FAM241A: variants seen among roughly 807,000 people sequenced by gnomAD.
FAM241A encodes family with sequence similarity 241 member A, also known as uncharacterized protein FAM241A.
FAM241A carries 7 observed loss-of-function variants against 12.2 expected under a neutral mutation model. The ratio of observed to expected loss-of-function variants is 0.58; its 90% CI spans 0.33 to 1.08. The LOEUF (loss-of-function observed/expected upper bound fraction) is 1.08. FAM241A is among the 50% of genes least tolerant of loss of function. FAM241A has a pLI of 0.04. For missense variants in FAM241A, 161 were observed against 169.7 expected, an observed-to-expected ratio of 0.95 and a Z score of 0.29; for synonymous variants, 74 against 68.2, an observed-to-expected ratio of 1.08 and a Z score of -0.42.
intron 1 of FAM241A, among the ~76,000 whole-genome samples, chr4:112,163,463 G>GA (rs1207775700): frequency 1.3e-5 from 2 of 152,006 alleles, no homozygotes; most frequent in Non-Finnish European, 2.9e-5. Context: ...AAACTTACAA[G>GA]AAAAAAATCA....
intron 1 of FAM241A, among the ~76,000 whole-genome samples, chr4:112,155,785 G>A (rs1271396565): frequency 6.6e-6 from 1 of 152,024 alleles, no homozygotes; most frequent in Non-Finnish European, 1.5e-5. Flanking sequence ...GAGATATAGT[G>A]TATAAAATAC....
At chr4:112,180,459 A>G (rs1202388712) in intron 1 of FAM241A, among the ~76,000 whole-genome samples, 1 of 152,192 alleles carries the variant, frequency 6.6e-6, no homozygotes, top group Non-Finnish European at 1.5e-5. Context: ...GAAGAATTCT[A>G]TATTTCTCTG....
At chr4:112,169,084 A>C (rs1723664760) in intron 1 of FAM241A, among the ~76,000 whole-genome samples, 1 of 152,238 alleles carries the variant, frequency 6.6e-6, no homozygotes, top group Non-Finnish European at 1.5e-5. Flanking sequence ...TGGGCTAGGT[A>C]CAAACTTAAA....
chr4:112,146,570 A>G (rs1213112441), intron 1 of FAM241A, among the ~76,000 whole-genome samples: 1 of 152,186 alleles, frequency 6.6e-6, no homozygotes, highest in East Asian at 1.9e-4. Flanking sequence ...ACCTGAGGTA[A>G]GCCGCTCTTT....
In FAM241A at chr4:112,187,318, GA is replaced by G. The variant is rs927098789; in HGVS notation, c.*385del. On this transcript the variant is annotated 3_prime_UTR_variant, in exon 2 of 2. Coordinates refer to ENST00000309733, the MANE Select transcript of FAM241A (RefSeq NM_152400.3). ...AGAGTTCCAATAAAACATTTCAGAA[GA>G]AAAAGTATGAAACAAGCTAAAAGTA... 1 of 157,292 alleles carries G rather than the reference GA, an allele frequency of 6.4e-6. No individual in the cohort carries two copies. The highest frequency in any genetic ancestry group is 2.4e-5 in the African/African-American group (1 of 41,630). The allele number at this position is 157,292 out of a possible 1,614,324, so 9.7% of individuals were successfully genotyped here. A position where few individuals can be genotyped will look rare whatever the true frequency, so the allele number is the denominator to read the frequency against.
chr4:112,174,828 G>T (rs189084872), intron 1 of FAM241A, among the ~76,000 whole-genome samples: 12 of 152,272 alleles, frequency 7.9e-5, no homozygotes, highest in Non-Finnish European at 1.8e-4. Flanking sequence ...GGCACAAGGG[G>T]CTTAAATTCA....
At chr4:112,177,856 A>G (rs535386908) in intron 1 of FAM241A, among the ~76,000 whole-genome samples, 2 of 152,344 alleles carry the variant, frequency 1.3e-5, no homozygotes, top group Admixed American at 1.3e-4. Context: ...AAATATTTCA[A>G]AAATATTGAA....
Position 112,178,867 on chromosome 4 carries a change from C to T in FAM241A, c.154-7826C>T, listed in dbSNP as rs148889307. ...TCTCAAAGGAAGACATAAAAGCGGC[C>T]ATGAAAAAATGCTCATCATCACTCA... On this transcript the variant is annotated intron_variant, in intron 1 of 1. Coordinates refer to ENST00000309733, the MANE Select transcript of FAM241A (RefSeq NM_152400.3). Among the ~76,000 whole-genome samples the T allele has an allele frequency of 3.9e-5, 6 of 152,082 alleles. No homozygotes were observed. In the East Asian group the frequency reaches 1.2e-3, roughly 29 times the overall value.
rs1447259832 is a variant in FAM241A, at chr4:112,179,945, G to GTATA, written c.154-6747_154-6746insATAT. ...TATATATATATATATATATGTATATGTGTGTGTGTGTGTGTATATATATAT... is the reference window on the plus strand; with the variant it reads ...TATATATATATATATATATGTATATGTATATGTGTGTGTGTGTGTATATATATAT... On this transcript the variant is annotated intron_variant, in intron 1 of 1. Coordinates refer to ENST00000309733, the MANE Select transcript of FAM241A (RefSeq NM_152400.3). 4.9e-3 allele frequency among the ~76,000 whole-genome samples: 440 copies of GTATA among 88,962 alleles called. 3 individuals are homozygous for GTATA. The highest frequency in any genetic ancestry group is 0.018 in the African/African-American group (388 of 21,774). The allele number at this position is 88,962 out of a possible 152,430, so 58.4% of individuals were successfully genotyped here.
chr4:112,157,187 A>G (rs1327925687), intron 1 of FAM241A, among the ~76,000 whole-genome samples: 2 of 152,206 alleles, frequency 1.3e-5, no homozygotes, highest in African/African-American at 4.8e-5. Flanking sequence ...AAGAAATCAA[A>G]GAACTAAAAG....
intron 1 of FAM241A, chr4:112,171,515 A>C: frequency 1.3e-6 from 1 of 766,250 alleles, no homozygotes; most frequent in Non-Finnish European, 2.4e-6. Context: ...GAAAGGCCCA[A>C]GTGATTCAGT....
At position 112,189,247 on chromosome 4, in the gene FAM241A, T is replaced by C. The variant is rs1724113094; in HGVS notation, c.*2309T>C. On this transcript the variant is annotated 3_prime_UTR_variant, in exon 2 of 2. Coordinates refer to ENST00000309733, the MANE Select transcript of FAM241A (RefSeq NM_152400.3). ...AAAGGTACAAAAAATTAGCCGGGCC[T>C]GGTGGCAGGTGCCTGTCGTCCCAGC... is the stretch of plus-strand genomic sequence containing the variant. 6.6e-6 allele frequency: 1 copy of C among 151,416 alleles called. No individual in the cohort carries two copies. The highest frequency in any genetic ancestry group is 1.5e-5 in the Non-Finnish European group (1 of 67,978). 9.4% of individuals were successfully genotyped at this position (151,416 alleles called of 1,614,324 possible).
intron 1 of FAM241A, among the ~76,000 whole-genome samples, chr4:112,159,062 T>C (rs1164592095): frequency 3.3e-5 from 5 of 152,198 alleles, no homozygotes; most frequent in African/African-American, 1.2e-4. Flanking sequence ...GAATGAGAAC[T>C]TGCAATATTT....
intron 1 of FAM241A, among the ~76,000 whole-genome samples, chr4:112,161,556 C>A (rs752388557): frequency 2.6e-5 from 4 of 152,146 alleles, no homozygotes; most frequent in Non-Finnish European, 5.9e-5. Context: ...ACTAGAAAAT[C>A]TAGAAGAAAC....
rs137911465 is a variant in FAM241A at position 112,156,731 on chromosome 4, C to T, written c.153+10998C>T. The stretch of plus-strand genomic sequence containing the variant: ...TTTGTGTATAACAGGAACATGTCTT[C>T]TTATCAGAATCAACAGAAGAGGAAC... On this transcript the variant is annotated intron_variant, in intron 1 of 1. Coordinates refer to ENST00000309733, the MANE Select transcript of FAM241A (RefSeq NM_152400.3). Among the ~76,000 whole-genome samples, 234 of 152,238 alleles carry T rather than the reference C, an allele frequency of 1.5e-3. 1 individual carries two copies. Among genetic ancestry groups the T allele is most frequent in the African/African-American group, 5.0e-3 (209 of 41,548 alleles).
chr4:112,149,651 G>T (rs990487255), intron 1 of FAM241A, among the ~76,000 whole-genome samples: 1 of 152,192 alleles, frequency 6.6e-6, no homozygotes, highest in African/African-American at 2.4e-5. Context: ...CAGCACTGGT[G>T]TGTAAAAAGG....
At chr4:112,155,804 G>A (rs1432418752) in intron 1 of FAM241A, among the ~76,000 whole-genome samples, 3 of 152,096 alleles carry the variant, frequency 2.0e-5, no homozygotes, top group Non-Finnish European at 2.9e-5. Flanking sequence ...ACTATATTTG[G>A]CTATATGAGA....
intron 1 of FAM241A, among the ~76,000 whole-genome samples, chr4:112,181,384 A>T (rs1200024932): frequency 1.3e-5 from 2 of 151,944 alleles, no homozygotes; most frequent in African/African-American, 4.8e-5. Context: ...TGCCTGCCAG[A>T]AAAATACATG....
At chr4:112,175,807 G>C (rs1723808943) in intron 1 of FAM241A, among the ~76,000 whole-genome samples, 1 of 152,000 alleles carries the variant, frequency 6.6e-6, no homozygotes, top group African/African-American at 2.4e-5. Flanking sequence ...TATTGGGCAG[G>C]CTTGGAGCTG....
Sources: allele counts gnomAD v4.1 joint callset (sites outside exome capture counted in the v4.1 genomes callset), GRCh38; gene constraint gnomAD v4.1.1; transcripts MANE v1.5; gene names NCBI Gene and HGNC (gene_info 2026-07-23, HGNC 2026-07-21).